The following ADGRG6 variants were observed in gnomAD, a reference collection of about 807,000 sequenced individuals.
ADGRG6 encodes G-protein coupled receptor 126.
Under a neutral mutation model 142.4 loss-of-function variants are expected in ADGRG6, and 84 were observed. The ratio of observed to expected loss-of-function variants is 0.59; its 90% CI spans 0.49 to 0.71. The LOEUF is 0.71. ADGRG6 is among the 30% of genes least tolerant of loss of function. ADGRG6 has a pLI of 0.00. For synonymous variants in ADGRG6, 521 were observed against 520.5 expected (o/e 1.00, Z -0.01); for missense variants, 1,367 against 1,466.6 (o/e 0.93, Z 1.11).
intron 22 of ADGRG6, among the ~76,000 whole-genome samples, chr6:142,421,809 A>G (rs887755726): frequency 7.9e-5 from 12 of 152,180 alleles, no homozygotes; most frequent in African/African-American, 2.9e-4. Flanking sequence ...CTGACTTTTA[A>G]GACTAATTTT....
rs774538580 is a variant in ADGRG6, at chr6:142,402,789, C to T, written c.1914C>T (p.Ile638=). 16 of 1,602,070 alleles carry T rather than the reference C, an allele frequency of 1.0e-5. 1 individual carries two copies. Among genetic ancestry groups the T allele is most frequent in the South Asian group, 5.5e-5 (5 of 90,128 alleles). ...GSTLMNIFSN[I]LSSSDSDLLE... is the part of the protein sequence containing the mutation. Reference sequence around the variant, plus strand: ...CTCTAATGAATATATTTTCTAATATCTTAAGCAGTTCAGACAGTGACTTGC... The same window carrying T: ...CTCTAATGAATATATTTTCTAATATTTTAAGCAGTTCAGACAGTGACTTGC... Residue 638 remains isoleucine, a synonymous_variant, in exon 13 of 25, where the codon ATC becomes ATT. Coordinates refer to ENST00000367609, the MANE Select transcript of ADGRG6 (RefSeq NM_198569.3).
chr6:142,361,057 C>T (rs1163408808), intron 2 of ADGRG6, among the ~76,000 whole-genome samples: 1 of 152,128 alleles, frequency 6.6e-6, no homozygotes, highest in Non-Finnish European at 1.5e-5. Flanking sequence ...TTGTCATTCT[C>T]TGGTTGTGTG....
At chr6:142,391,411 A>G (rs1774888970) in intron 7 of ADGRG6, among the ~76,000 whole-genome samples, 1 of 147,006 alleles carries the variant, frequency 6.8e-6, no homozygotes, top group Non-Finnish European at 1.5e-5. Flanking sequence ...AAGAAAGTTT[A>G]CGCATTGAGA....
chr6:142,306,876 A>G (rs1286534718), intron 1 of ADGRG6, among the ~76,000 whole-genome samples: 1 of 152,146 alleles, frequency 6.6e-6, no homozygotes, highest in African/African-American at 2.4e-5. Flanking sequence ...TTCAGTAAAC[A>G]GTAAAGTGGA....
intron 2 of ADGRG6, among the ~76,000 whole-genome samples, chr6:142,338,600 A>G (rs528450602): frequency 2.0e-5 from 3 of 151,956 alleles, no homozygotes; most frequent in East Asian, 1.9e-4. Context: ...CGTTTTAGCT[A>G]TAGAACTCTT....
intron 2 of ADGRG6, among the ~76,000 whole-genome samples, chr6:142,364,807 G>A (rs1202436825): frequency 6.6e-6 from 1 of 152,186 alleles, no homozygotes; most frequent in African/African-American, 2.4e-5. Context: ...CCAGTAGTTT[G>A]AGGCTGCAGC....
rs568654071 is a variant in ADGRG6, at chr6:142,321,529, A to T, written c.103+11885A>T. Among the ~76,000 whole-genome samples the T allele has an allele frequency of 5.3e-5, 8 of 152,196 alleles. No individual in the cohort carries two copies. In the South Asian group the frequency reaches 1.7e-3, roughly 32 times the overall value. On this transcript the variant is annotated intron_variant, in intron 2 of 24. Coordinates refer to ENST00000367609, the MANE Select transcript of ADGRG6 (RefSeq NM_198569.3). ...ATATTACTCAGCAAAAAAGGAATGAACTACCTATGTATGCAAAAATAAGAA... is the reference window on the plus strand; with the variant it reads ...ATATTACTCAGCAAAAAAGGAATGATCTACCTATGTATGCAAAAATAAGAA...
chr6:142,440,981 A>T, intron 24 of ADGRG6: 1 of 1,346,084 alleles, frequency 7.4e-7, no homozygotes. Flanking sequence ...TTTTGAATGC[A>T]TGAATTTTTT....
At chr6:142,361,676 G>C (rs1416636944) in intron 2 of ADGRG6, among the ~76,000 whole-genome samples, 3 of 152,176 alleles carry the variant, frequency 2.0e-5, no homozygotes, top group Non-Finnish European at 4.4e-5. Flanking sequence ...AAGGTCCGCA[G>C]CTGGATTAAT....
intron 1 of ADGRG6, among the ~76,000 whole-genome samples, chr6:142,305,120 A>G (rs1309242384): frequency 2.6e-5 from 4 of 151,704 alleles, no homozygotes; most frequent in African/African-American, 9.7e-5. Context: ...CTTGAACATG[A>G]CAATCCAAAT....
chr6:142,351,857 C>T (rs754422487), intron 2 of ADGRG6, among the ~76,000 whole-genome samples: 3 of 151,982 alleles, frequency 2.0e-5, no homozygotes, highest in Non-Finnish European at 2.9e-5. Flanking sequence ...CAAAAAACAA[C>T]CCCGTTATTA....
chr6:142,367,975 G>A (rs1368875410), intron 3 of ADGRG6, 65 bp downstream of exon 3: 17 of 861,226 alleles, frequency 2.0e-5, no homozygotes, highest in African/African-American at 6.7e-5. Flanking sequence ...GTAAACACAA[G>A]GACCAGAAGA....
intron 4 of ADGRG6, among the ~76,000 whole-genome samples, chr6:142,371,727 G>C (rs1189401508): frequency 2.0e-5 from 3 of 151,692 alleles, no homozygotes; most frequent in Non-Finnish European, 4.4e-5. Context: ...CCTCGTGATC[G>C]GCCCACCTTG....
At chr6:142,405,368 A>C (rs1263765285) in intron 14 of ADGRG6, 2 of 478,480 alleles carry the variant, frequency 4.2e-6, no homozygotes, top group Non-Finnish European at 8.3e-6. Flanking sequence ...ACGTGTTTTG[A>C]GAAAACCTCA....
rs372735218 is a variant in ADGRG6 at position 142,402,834 on chromosome 6, A to C, written c.1955+4A>C. 6.2e-4 allele frequency: 943 copies of C among 1,515,198 alleles called. No homozygotes were observed. Among genetic ancestry groups the C allele is most frequent in the Middle Eastern group, 9.4e-4 (4 of 4,264 alleles). 93.9% of individuals were successfully genotyped at this position (1,515,198 alleles called of 1,614,324 possible). The stretch of plus-strand genomic sequence containing the variant: ...ACTTGCTTGAGTCATCTTCTGAGTA[A>C]GTATTTTTTTTTTCCTGGAGAGTAA... On this transcript the variant is annotated splice_donor_region_variant and intron_variant, in intron 13 of 24. Transcript: ENST00000367609.
chr6:142,398,375 T>C lies in ADGRG6; in HGVS notation c.1567+620T>C, dbSNP rs569456027. 1.4e-4 allele frequency among the ~76,000 whole-genome samples: 22 copies of C among 152,242 alleles called. No homozygotes were observed. The South Asian group carries it at 4.6e-3, about 32-fold the overall frequency. On this transcript the variant is annotated intron_variant, in intron 10 of 24. Transcript: ENST00000367609. ...GGGAGGTCAAGGCTGCAGTGAGCCA[T>C]GTTCATGCCACTGCACTCCAGCCTG...
chr6:142,315,828 TAAATAAA>T (rs1778026919), intron 2 of ADGRG6, among the ~76,000 whole-genome samples: 1 of 99,312 alleles, frequency 1.0e-5, no homozygotes, highest in Non-Finnish European at 1.7e-5. Flanking sequence ...CTCAAATAAA[TAAATAAA>T]TAAATAAATA....
At chr6:142,333,078 A>T (rs754917152) in intron 2 of ADGRG6, among the ~76,000 whole-genome samples, 2 of 152,208 alleles carry the variant, frequency 1.3e-5, no homozygotes, top group African/African-American at 4.8e-5. Flanking sequence ...TGAAATGGTG[A>T]TAAGTGTGGA....
chr6:142,385,717 T>G (rs561004532), intron 6 of ADGRG6, among the ~76,000 whole-genome samples: 1 of 152,284 alleles, frequency 6.6e-6, no homozygotes, highest in East Asian at 1.9e-4. Flanking sequence ...AAAGGAAGAC[T>G]AACAAAGTAT....
Sources: allele counts gnomAD v4.1 joint callset (sites outside exome capture counted in the v4.1 genomes callset), GRCh38; gene constraint gnomAD v4.1.1; transcripts MANE v1.5; gene names NCBI Gene and HGNC (gene_info 2026-07-23, HGNC 2026-07-21).